Variants in NUGGC observed in about 807,000 individuals in gnomAD.
NUGGC encodes the protein nuclear GTPase SLIP-GC.
Under a neutral mutation model 92.6 loss-of-function variants are expected in NUGGC, and 58 were observed. The ratio of observed to expected loss-of-function variants is 0.63; its 90% CI spans 0.51 to 0.78. The LOEUF is 0.78. NUGGC is among the 30% of genes least tolerant of loss of function. The probability of loss-of-function intolerance (pLI) is 0.00; values close to 1 mark genes in which losing one functional copy is unlikely to be tolerated. For synonymous variants in NUGGC, 376 were observed against 366.4 expected, an observed-to-expected ratio of 1.03 and a Z score of -0.30; for missense variants, 925 against 964.6, an observed-to-expected ratio of 0.96 and a Z score of 0.54.
At chr8:28,046,323 T>G (rs1413258179) in intron 11 of NUGGC, among the ~76,000 whole-genome samples, 1 of 152,088 alleles carries the variant, frequency 6.6e-6, no homozygotes, top group African/African-American at 2.4e-5. Context: ...TAACCTCCAT[T>G]CACATACCTA....
At chr8:28,058,021 A>T (rs1464052954) in intron 9 of NUGGC, among the ~76,000 whole-genome samples, 13 of 152,022 alleles carry the variant, frequency 8.6e-5, no homozygotes, top group Admixed American at 8.5e-4. Flanking sequence ...GTGAAACCCC[A>T]TCTCTACTAA....
intron 3 of NUGGC, 129 bp downstream of exon 3, chr8:28,070,123 T>C: frequency 1.4e-6 from 2 of 1,443,460 alleles, no homozygotes; most frequent in Non-Finnish European, 1.8e-6. Context: ...CTTTGAGCCC[T>C]CTCTTTCCAA....
At chr8:28,082,284 C>A (rs1280144586) in intron 1 of NUGGC, among the ~76,000 whole-genome samples, 1 of 152,212 alleles carries the variant, frequency 6.6e-6, no homozygotes, top group Non-Finnish European at 1.5e-5. Flanking sequence ...TTTAGGATGA[C>A]ATGTTTTTCT....
chr8:28,077,394 C>CAAAA (rs11291704), intron 1 of NUGGC, among the ~76,000 whole-genome samples: 1 of 133,444 alleles, frequency 7.5e-6, no homozygotes, highest in Non-Finnish European at 1.6e-5. Flanking sequence ...TTGACACTAC[C>CAAAA]AAAAAAAAAA....
At chr8:28,071,746 G>A (rs1202486432) in intron 2 of NUGGC, among the ~76,000 whole-genome samples, 1 of 152,142 alleles carries the variant, frequency 6.6e-6, no homozygotes, top group Admixed American at 6.5e-5. Flanking sequence ...AGGGGCAAGA[G>A]GTGGATCTTT....
At chr8:28,044,389 G>A (rs1190255631) in intron 12 of NUGGC, among the ~76,000 whole-genome samples, 1 of 152,194 alleles carries the variant, frequency 6.6e-6, no homozygotes, top group Admixed American at 6.5e-5. Flanking sequence ...CATCATTTGA[G>A]TTCAGCAGAG....
intron 18 of NUGGC, 78 bp from the exon 19 acceptor site, chr8:28,023,540 A>G: frequency 5.8e-6 from 8 of 1,376,420 alleles, no homozygotes; most frequent in Non-Finnish European, 8.0e-6. Flanking sequence ...TCCCCCAACA[A>G]TCCTGTCACT....
rs964524238 is a variant in NUGGC, at chr8:28,060,565, C to T, written c.958G>A (p.Asp320Asn). The change falls in exon 8 of 19, where the codon GAC (aspartate) becomes AAC (asparagine). Residue 320 changes from aspartate to asparagine, a missense_variant. By Grantham distance (23) the Asp-to-Asn change is conservative. Coordinates refer to ENST00000413272, the MANE Select transcript of NUGGC (RefSeq NM_001010906.2). The part of the protein sequence containing the change: ...DKCSVIWVIS[D>N]IERVSGGQAH... ...TGCCCCCCAGAAACTCGCTCTATGT[C>T]GCTGATCACCCAGATCACTGAGCAC... The T allele has an allele frequency of 5.0e-6, 8 of 1,613,234 alleles. No individual in the cohort carries two copies. Among genetic ancestry groups the T allele is most frequent in the Middle Eastern group, 1.6e-4 (1 of 6,080 alleles).
chr8:28,068,730 C>CT (rs1171135701), intron 4 of NUGGC, among the ~76,000 whole-genome samples: 5 of 151,840 alleles, frequency 3.3e-5, no homozygotes, highest in Non-Finnish European at 5.9e-5. Context: ...ATTGCATATT[C>CT]TTTTTTTTGT....
intron 12 of NUGGC, among the ~76,000 whole-genome samples, chr8:28,042,650 G>A (rs907808242): frequency 3.3e-5 from 5 of 152,174 alleles, no homozygotes; most frequent in African/African-American, 9.6e-5. Flanking sequence ...CATCTCTCTC[G>A]TTCCCTGTGT....
intron 10 of NUGGC, among the ~76,000 whole-genome samples, chr8:28,052,845 C>T (rs975753724): frequency 6.6e-6 from 1 of 152,126 alleles, no homozygotes; most frequent in African/African-American, 2.4e-5. Flanking sequence ...TGTTATGATT[C>T]AGCATTGAAA....
rs1396876303 is a variant in NUGGC at position 28,022,001 on chromosome 8, T to A, written c.*1316A>T. On this transcript the variant is annotated 3_prime_UTR_variant, in exon 19 of 19. Coordinates refer to ENST00000413272, the MANE Select transcript of NUGGC (RefSeq NM_001010906.2). Reference sequence around the variant, plus strand: ...AAGCTTTATTTTGCAATGTTTTCCATAATACTTAAGTTTTTCAACGTTTAG... The same window carrying A: ...AAGCTTTATTTTGCAATGTTTTCCAAAATACTTAAGTTTTTCAACGTTTAG... The A allele has an allele frequency of 6.6e-6, 1 of 152,298 alleles. No homozygotes were observed. The highest frequency in any genetic ancestry group is 1.5e-5 in the Non-Finnish European group (1 of 68,138). The allele number at this position is 152,298 out of a possible 1,614,324, so 9.4% of individuals were successfully genotyped here. A position where few individuals can be genotyped will look rare whatever the true frequency, so the allele number is the denominator to read the frequency against.
chr8:28,042,144 C>T (rs1374822513), intron 12 of NUGGC, among the ~76,000 whole-genome samples: 1 of 152,186 alleles, frequency 6.6e-6, no homozygotes, highest in African/African-American at 2.4e-5. Flanking sequence ...CCTCCCCAGG[C>T]ACATGGAACT....
At chr8:28,032,725 A>G (rs1809454020) in intron 14 of NUGGC, among the ~76,000 whole-genome samples, 1 of 99,862 alleles carries the variant, frequency 1.0e-5, no homozygotes, top group African/African-American at 3.2e-5. Context: ...CATCTCAAGA[A>G]AAAAAAAAAA....
intron 6 of NUGGC, among the ~76,000 whole-genome samples, chr8:28,067,064 C>A (rs1293933771): frequency 6.6e-6 from 1 of 152,152 alleles, no homozygotes; most frequent in African/African-American, 2.4e-5. Flanking sequence ...TGAAGTCTAG[C>A]ACTCCGGGAG....
intron 13 of NUGGC, among the ~76,000 whole-genome samples, chr8:28,034,136 C>A (rs1246571335): frequency 2.0e-5 from 3 of 152,168 alleles, no homozygotes; most frequent in African/African-American, 7.2e-5. Flanking sequence ...GTGCTATGAC[C>A]GGACAATAAG....
At position 28,041,078 on chromosome 8, in the gene NUGGC, G is replaced by GT; in HGVS notation, c.1583dup (p.Tyr528Ter). 2 of 1,606,386 alleles carry GT rather than the reference G, an allele frequency of 1.2e-6. No homozygotes were observed. The highest frequency in any genetic ancestry group is 1.7e-6 in the Non-Finnish European group (2 of 1,176,648). The change falls in exon 13 of 19, where the codon TAC (tyrosine) becomes TAAC (stop). Residue 528 changes from tyrosine (Y) to a stop codon, truncating the protein, a stop_gained and frameshift_variant. Transcript: ENST00000413272. LOFTEE classifies it high-confidence loss of function. Reference protein sequence around the residue: ...QEGVRTARTSYRCILRACLVR... With the variant: ...QEGVRTARTS ...CCAAGCATGCTCTGAGGATGCAGCG[G>GT]TAAGAAGTCCTGGCGGTCCTGACCC...
intron 14 of NUGGC, 96 bp from the exon 15 acceptor site, chr8:28,031,477 G>A (rs117286643): frequency 0.014 from 17,088 of 1,183,614 alleles, 184 homozygotes; most frequent in Non-Finnish European, 0.017. Context: ...ATTCATTTAA[G>A]AGAAGGAAGA....
chr8:28,060,598 T>C lies in NUGGC; in HGVS notation c.925A>G (p.Ile309Val), dbSNP rs965186825. 2 of 1,609,356 alleles carry C rather than the reference T, an allele frequency of 1.2e-6. No individual in the cohort carries two copies. The highest frequency in any genetic ancestry group is 1.3e-5 in the African/African-American group (1 of 74,704). Reference sequence around the variant, plus strand: ...ACCCAGATCACTGAGCACTTGTCAATGGTCTGCAAAACATGACCACGGCAT... The same window carrying C: ...ACCCAGATCACTGAGCACTTGTCAACGGTCTGCAAAACATGACCACGGCAT... Reference protein sequence around the residue: ...SKRDEMWKKTIDKCSVIWVIS... With the variant: ...SKRDEMWKKTVDKCSVIWVIS... The change falls in exon 8 of 19, where the codon ATT becomes GTT. Residue 309 changes from isoleucine to valine, a missense_variant. Ile to Val is a conservative substitution (Grantham distance 29). Coordinates refer to ENST00000413272, the MANE Select transcript of NUGGC (RefSeq NM_001010906.2).
Sources: allele counts gnomAD v4.1 joint callset (sites outside exome capture counted in the v4.1 genomes callset), GRCh38; gene constraint gnomAD v4.1.1; transcripts MANE v1.5; gene names NCBI Gene and HGNC (gene_info 2026-07-23, HGNC 2026-07-21).